SHISA9: variants seen among roughly 807,000 people sequenced by gnomAD.
SHISA9 encodes the protein shisa family member 9, also known as protein shisa-9.
In SHISA9, 13 loss-of-function variants were observed where a neutral mutation model predicts 38.0. That is an observed-to-expected ratio of 0.34 (90% CI 0.22 to 0.54). The LOEUF (loss-of-function observed/expected upper bound fraction) is 0.54, where lower values mean the gene tolerates loss of function less well. Among genes scored for constraint, SHISA9 ranks in the 20% least tolerant of loss-of-function variants. SHISA9 has a pLI of 0.91. For missense variants in SHISA9, 538 were observed against 575.8 expected, an observed-to-expected ratio of 0.93 and a Z score of 0.67; for synonymous variants, 275 against 242.0, an observed-to-expected ratio of 1.14 and a Z score of -1.27.
At chr16:13,063,807 C>T (rs1026400554) in intron 2 of SHISA9, among the ~76,000 whole-genome samples, 14 of 152,134 alleles carry the variant, frequency 9.2e-5, no homozygotes, top group Middle Eastern at 3.2e-3. Context: ...TGACCCTATG[C>T]GGCCCTCAGC....
chr16:13,182,193 A>G (rs1030964854), intron 2 of SHISA9, among the ~76,000 whole-genome samples: 1 of 152,186 alleles, frequency 6.6e-6, no homozygotes, highest in Non-Finnish European at 1.5e-5. Context: ...TTTTTGCCAG[A>G]TAGTTTTGAA....
chr16:13,028,853 G>A (rs2072957004), intron 2 of SHISA9, among the ~76,000 whole-genome samples: 1 of 152,132 alleles, frequency 6.6e-6, no homozygotes. Context: ...GATCGGTCAG[G>A]ATTAGATCAT....
At chr16:13,122,766 G>T (rs558762374) in intron 2 of SHISA9, among the ~76,000 whole-genome samples, 51 of 152,292 alleles carry the variant, frequency 3.3e-4, no homozygotes, top group Admixed American at 9.8e-4. Flanking sequence ...ATTAAAAAGG[G>T]CTGGGCATGG....
the SHISA9 span, among the ~76,000 whole-genome samples, chr16:13,296,996 T>C: frequency 6.6e-6 from 1 of 151,936 alleles, no homozygotes; most frequent in Admixed American, 6.6e-5. Flanking sequence ...CATATTTCTT[T>C]CCATCAGTAA....
chr16:13,436,305 C>T, the SHISA9 span, among the ~76,000 whole-genome samples: 1 of 152,224 alleles, frequency 6.6e-6, no homozygotes, highest in African/African-American at 2.4e-5. Context: ...TGGCCTCTGG[C>T]CATTCTCACT....
intron 2 of SHISA9, among the ~76,000 whole-genome samples, chr16:12,927,070 A>C (rs2071401383): frequency 6.6e-6 from 1 of 152,178 alleles, no homozygotes; most frequent in African/African-American, 2.4e-5. Flanking sequence ...TTAATAGATT[A>C]GTGTTGAATT....
intron 2 of SHISA9, among the ~76,000 whole-genome samples, chr16:13,131,048 G>A (rs1040162364): frequency 6.6e-6 from 1 of 152,172 alleles, no homozygotes; most frequent in South Asian, 2.1e-4. Context: ...GTGGAAGACA[G>A]TGTGGCGATT....
chr16:13,375,183 C>T, the SHISA9 span, among the ~76,000 whole-genome samples: 2 of 152,140 alleles, frequency 1.3e-5, no homozygotes, highest in Admixed American at 6.5e-5. Context: ...TAATTAGATC[C>T]CATTTGTCAA....
intron 2 of SHISA9, among the ~76,000 whole-genome samples, chr16:13,015,890 C>CTTTTCTTTCTTTCTTTCTTTCTT (rs768484604): frequency 8.5e-6 from 1 of 117,034 alleles, no homozygotes; most frequent in Non-Finnish European, 1.8e-5. Flanking sequence ...TTCTTTCTTT[C>CTTTTCTTTCTTTCTTTCTTTCTT]TTTCTTTCTT....
At chr16:13,514,518 A>G in the SHISA9 span, among the ~76,000 whole-genome samples, 1 of 152,154 alleles carries the variant, frequency 6.6e-6, no homozygotes, top group Non-Finnish European at 1.5e-5. Flanking sequence ...AGAGACATGG[A>G]AGATATATAA....
the SHISA9 span, among the ~76,000 whole-genome samples, chr16:13,417,865 A>T: frequency 6.6e-6 from 1 of 152,234 alleles, no homozygotes; most frequent in Admixed American, 6.6e-5. Context: ...GAATGCTGGC[A>T]TCAAACAGAG....
the SHISA9 span, among the ~76,000 whole-genome samples, chr16:13,554,854 A>T: frequency 5.9e-5 from 9 of 152,206 alleles, no homozygotes; most frequent in Non-Finnish European, 1.3e-4. Flanking sequence ...CCTGGCAGCC[A>T]TTTTGAATCA....
the SHISA9 span, among the ~76,000 whole-genome samples, chr16:13,542,426 G>C: frequency 9.9e-5 from 15 of 152,000 alleles, no homozygotes; most frequent in Admixed American, 3.3e-4. Context: ...AGATAACATC[G>C]TGTTCATTGT....
At chr16:13,240,992 G>A (rs557392192), downstream of SHISA9, among the ~76,000 whole-genome samples, 1 of 152,270 alleles carries the variant, frequency 6.6e-6, no homozygotes, top group East Asian at 1.9e-4. Flanking sequence ...AGAAGAGTAT[G>A]ATATCATGTC....
chr16:13,258,701 G>GA, the SHISA9 span, among the ~76,000 whole-genome samples: 3 of 152,130 alleles, frequency 2.0e-5, no homozygotes, highest in Non-Finnish European at 2.9e-5. Context: ...GGTAGCAAGA[G>GA]AAAAAATGAG....
rs184544639 is a variant in SHISA9, at chr16:13,119,001, G to A, written c.692-84393G>A. On this transcript the variant is annotated intron_variant, in intron 2 of 4. Coordinates refer to ENST00000558583, the MANE Select transcript of SHISA9 (RefSeq NM_001145204.3). ...CTCACCTCGGCCTCCCAAAGTGCTG[G>A]GATTATAGGCATGAGCCACCGTGCC... 5.3e-5 allele frequency among the ~76,000 whole-genome samples: 8 copies of A among 151,964 alleles called. No individual in the cohort carries two copies. In the East Asian group the frequency reaches 1.4e-3, roughly 26 times the overall value.
intron 1 of SHISA9, chr16:12,910,776 T>C (rs2071172205): frequency 1.0e-6 from 1 of 966,722 alleles, no homozygotes; most frequent in African/African-American, 1.8e-5. Context: ...TACAAAGAGA[T>C]TCATTATAAG....
At chr16:13,161,599 A>G (rs1418472268) in intron 2 of SHISA9, among the ~76,000 whole-genome samples, 1 of 152,168 alleles carries the variant, frequency 6.6e-6, no homozygotes, top group African/African-American at 2.4e-5. Flanking sequence ...ACGTTGGTCC[A>G]GACCCATGGT....
chr16:13,470,527 G>A, the SHISA9 span, among the ~76,000 whole-genome samples: 5 of 152,186 alleles, frequency 3.3e-5, no homozygotes, highest in African/African-American at 1.2e-4. Context: ...AGCTTGTGCA[G>A]AGGAACTGCC....
Sources: allele counts gnomAD v4.1 joint callset (sites outside exome capture counted in the v4.1 genomes callset), GRCh38; gene constraint gnomAD v4.1.1; transcripts MANE v1.5; gene names NCBI Gene and HGNC (gene_info 2026-07-23, HGNC 2026-07-21).